Variants in ETFA observed in about 807,000 individuals in gnomAD.
ETFA encodes electron transfer flavoprotein subunit alpha, also known as electron transfer flavoprotein subunit alpha, mitochondrial.
In ETFA, 22 loss-of-function variants were observed where a neutral mutation model predicts 46.2. That is an observed-to-expected ratio of 0.48 (90% CI 0.34 to 0.68). The LOEUF (loss-of-function observed/expected upper bound fraction) is 0.68, where lower values mean the gene tolerates loss of function less well. ETFA is among the 30% of genes least tolerant of loss of function. ETFA has a pLI of 0.01. For synonymous variants in ETFA, 131 were observed against 139.9 expected (o/e 0.94, Z 0.45); for missense variants, 345 against 401.1 (o/e 0.86, Z 1.19).
At position 76,311,378 on chromosome 15, in the gene ETFA, G is replaced by T. The variant is rs761552468; in HGVS notation, c.11C>A (p.Ala4Glu). The T allele has an allele frequency of 1.3e-5, 20 of 1,563,928 alleles. No homozygotes were observed. Among genetic ancestry groups the T allele is most frequent in the Non-Finnish European group, 1.3e-5 (15 of 1,155,146 alleles). The change falls in exon 1 of 12, where the codon GCG (alanine) becomes GAG (glutamate). Residue 4 changes from alanine (A) to glutamate (E), a missense_variant. Transcript: ENST00000557943. MFR[A>E]AAPGQLRRAA... The stretch of plus-strand genomic sequence containing the variant: ...CCGCCGGAGCTGCCCCGGAGCCGCC[G>T]CTCGGAACATGGTCTCCGCTTCCGC...
chr15:76,218,822 T>C (rs2142102800), intron 11 of ETFA, among the ~76,000 whole-genome samples: 1 of 152,330 alleles, frequency 6.6e-6, no homozygotes, highest in South Asian at 2.1e-4. Flanking sequence ...ATTCACTTAG[T>C]ACTTCCTCCA....
intron 11 of ETFA, among the ~76,000 whole-genome samples, chr15:76,220,822 A>G (rs1488118733): frequency 6.6e-6 from 1 of 152,224 alleles, no homozygotes; most frequent in East Asian, 1.9e-4. Flanking sequence ...AAAGACAGAC[A>G]ATAACATACA....
At chr15:76,270,387 T>C (rs2039516628) in intron 9 of ETFA, among the ~76,000 whole-genome samples, 1 of 152,190 alleles carries the variant, frequency 6.6e-6, no homozygotes, top group Non-Finnish European at 1.5e-5. Flanking sequence ...GAGATACCAG[T>C]GTACACTTAT....
chr15:76,227,632 A>T, intron 10 of ETFA: 3 of 355,110 alleles, frequency 8.4e-6, no homozygotes, highest in South Asian at 6.6e-5. Context: ...CTGCAGTTAG[A>T]CTCTAATGTA....
At chr15:76,249,285 C>A (rs192838995) in intron 9 of ETFA, among the ~76,000 whole-genome samples, 3,206 of 151,942 alleles carry the variant, frequency 0.021, 109 homozygotes, top group African/African-American at 0.074. Context: ...TGTGCCGCCA[C>A]GCCTGGCTAA....
intron 4 of ETFA, among the ~76,000 whole-genome samples, chr15:76,288,257 G>C (rs552604370): frequency 1.2e-4 from 18 of 152,212 alleles, no homozygotes; most frequent in African/African-American, 4.1e-4. Context: ...GACAGTTGTG[G>C]ATTATTGAAT....
At chr15:76,235,966 G>C (rs567116195) in intron 9 of ETFA, among the ~76,000 whole-genome samples, 11 of 152,330 alleles carry the variant, frequency 7.2e-5, no homozygotes, top group Admixed American at 7.2e-4. Flanking sequence ...CTGAGAATTA[G>C]AGGGATGATT....
At chr15:76,288,695 G>A (rs1420305369) in intron 4 of ETFA, among the ~76,000 whole-genome samples, 1 of 145,498 alleles carries the variant, frequency 6.9e-6, no homozygotes, top group African/African-American at 2.6e-5. Flanking sequence ...CTTGGTGACA[G>A]AGCGAGACTC....
chr15:76,223,765 A>G (rs915563008), intron 11 of ETFA, among the ~76,000 whole-genome samples: 8 of 152,210 alleles, frequency 5.3e-5, no homozygotes, highest in Admixed American at 5.2e-4. Flanking sequence ...GTGTCCACAC[A>G]CATGCATAGT....
chr15:76,267,704 T>G lies in ETFA; in HGVS notation c.816+6708A>C, dbSNP rs549258355. Among the ~76,000 whole-genome samples the G allele has an allele frequency of 2.0e-5, 3 of 152,310 alleles. No homozygotes were observed. The South Asian group carries it at 6.2e-4, about 32-fold the overall frequency. ...CAATATAAGACACTGCAAATGCAAT[T>G]GCATTTAGCTTTATTAACATTAAAG... On this transcript the variant is annotated intron_variant, in intron 9 of 11. Transcript: ENST00000557943.
intron 9 of ETFA, among the ~76,000 whole-genome samples, chr15:76,245,482 A>G (rs537285157): frequency 6.6e-6 from 1 of 152,246 alleles, no homozygotes; most frequent in Non-Finnish European, 1.5e-5. Flanking sequence ...GTATACAAGT[A>G]AGTCTATAAA....
chr15:76,273,357 C>T (rs2039558979), intron 9 of ETFA, among the ~76,000 whole-genome samples: 2 of 152,002 alleles, frequency 1.3e-5, no homozygotes, highest in Admixed American at 1.3e-4. Flanking sequence ...AGTTCAAGAC[C>T]AGCCTGGCCA....
chr15:76,238,632 AG>A, intron 9 of ETFA, among the ~76,000 whole-genome samples: 1 of 152,362 alleles, frequency 6.6e-6, no homozygotes, highest in Middle Eastern at 3.4e-3. Flanking sequence ...ATGCCAGGTT[AG>A]GAGTTAAATG....
chr15:76,295,933 A>ATTATTTTTTTTTTTTTTTTTTTTTTT (rs1555459250), intron 1 of ETFA, among the ~76,000 whole-genome samples, 196 bp from the exon 2 acceptor site: 1 of 58,512 alleles, frequency 1.7e-5, no homozygotes, highest in Non-Finnish European at 4.0e-5. Context: ...TACCACTAAT[A>ATTATTTTTTTTTTTTTTTTTTTTTTT]TTCTTTTTTT....
intron 9 of ETFA, among the ~76,000 whole-genome samples, chr15:76,256,262 G>GGAA (rs765982098): frequency 2.1e-5 from 2 of 95,666 alleles, no homozygotes; most frequent in East Asian, 3.3e-4. Flanking sequence ...CCGTCTCAAG[G>GGAA]AAAAAAAAAA....
At chr15:76,295,841 T>A in intron 1 of ETFA, 104 bp from the exon 2 acceptor site, 5 of 768,584 alleles carry the variant, frequency 6.5e-6, no homozygotes, top group Non-Finnish European at 4.2e-6. Flanking sequence ...AGAAAACTAT[T>A]CTGTACACAA....
chr15:76,268,716 A>G (rs1000148581), intron 9 of ETFA, among the ~76,000 whole-genome samples: 3 of 152,204 alleles, frequency 2.0e-5, no homozygotes, highest in Non-Finnish European at 4.4e-5. Context: ...CTCTTGTAAA[A>G]GGGAAAGAGG....
At chr15:76,257,460 A>G (rs138659405) in intron 9 of ETFA, among the ~76,000 whole-genome samples, 10,690 of 152,272 alleles carry the variant, frequency 0.07, 437 homozygotes, top group Middle Eastern at 0.12. Context: ...AATCAAAACC[A>G]CAATGAGATA....
At chr15:76,227,514 T>TAAAAAAAAAAAAAA (rs1352895839) in intron 10 of ETFA, among the ~76,000 whole-genome samples, 7 of 6,278 alleles carry the variant, frequency 1.1e-3, no homozygotes, top group South Asian at 0.015. Context: ...AGACTCTGTC[T>TAAAAAAAAAAAAAA]CAAAAAAAAA....
Sources: gnomAD v4.1 joint callset for allele counts (sites outside exome capture counted in the v4.1 genomes callset) on GRCh38, gnomAD v4.1.1 for gene constraint, MANE v1.5 for transcripts, NCBI Gene and HGNC (gene_info 2026-07-23, HGNC 2026-07-21) for gene names.